FSTL5: variants seen among roughly 807,000 people sequenced by gnomAD.
FSTL5 encodes the protein follistatin-related protein 5.
A neutral mutation model predicts 89.1 loss-of-function variants in FSTL5; 62 were observed. The observed-to-expected ratio is 0.70, with a 90% CI of 0.57 to 0.86. The LOEUF (loss-of-function observed/expected upper bound fraction) is 0.86, where lower values mean the gene tolerates loss of function less well. Ranked by LOEUF, FSTL5 falls within the 40% of genes least tolerant of loss-of-function variation. The pLI, the probability that FSTL5 is intolerant of heterozygous loss-of-function variation, is 0.00. For synonymous variants in FSTL5, 383 were observed against 346.2 expected (o/e 1.11, Z -1.18); for missense variants, 1,057 against 1,001.6 (o/e 1.06, Z -0.75).
At chr4:161,535,078 G>T (rs1287000871) in intron 10 of FSTL5, among the ~76,000 whole-genome samples, 1 of 152,066 alleles carries the variant, frequency 6.6e-6, no homozygotes, top group Non-Finnish European at 1.5e-5. Flanking sequence ...AACTCAAGAT[G>T]GGTTAAAGAT....
At chr4:162,118,406 C>A (rs139142380) in intron 1 of FSTL5, among the ~76,000 whole-genome samples, 1 of 151,976 alleles carries the variant, frequency 6.6e-6, no homozygotes, top group Admixed American at 6.6e-5. Context: ...GACTACAGGG[C>A]CCCGCCACCA....
chr4:161,774,990 A>C (rs900179266), intron 5 of FSTL5, among the ~76,000 whole-genome samples: 1 of 152,192 alleles, frequency 6.6e-6, no homozygotes, highest in Non-Finnish European at 1.5e-5. Context: ...GATGATAACT[A>C]TAATCAATTT....
rs575776946 is a variant in FSTL5, at chr4:161,971,336, A to C, written c.161-50684T>G. Among the ~76,000 whole-genome samples, 293 of 152,274 alleles carry C rather than the reference A, an allele frequency of 1.9e-3. 1 individual carries two copies. The highest frequency in any genetic ancestry group is 6.7e-3 in the African/African-American group (278 of 41,576). On this transcript the variant is annotated intron_variant, in intron 3 of 15. Coordinates refer to ENST00000306100, the MANE Select transcript of FSTL5 (RefSeq NM_020116.5). ...ATGGTTCTACTTTAAAATATCAGAA[A>C]TTTATGTTACAAATCCCATAGTAAA...
intron 12 of FSTL5, among the ~76,000 whole-genome samples, chr4:161,482,344 G>T (rs1385052687): frequency 2.0e-5 from 3 of 151,986 alleles, no homozygotes; most frequent in Non-Finnish European, 4.4e-5. Flanking sequence ...CAGTAAAAAT[G>T]TTATTTACAT....
At chr4:161,558,852 A>T (rs940978385) in intron 8 of FSTL5, among the ~76,000 whole-genome samples, 6 of 151,790 alleles carry the variant, frequency 4.0e-5, no homozygotes, top group Non-Finnish European at 8.8e-5. Flanking sequence ...TAACTCTCCC[A>T]ACCAACCCCA....
chr4:161,721,462 C>A (rs1318721908), intron 6 of FSTL5, among the ~76,000 whole-genome samples: 1 of 151,960 alleles, frequency 6.6e-6, no homozygotes, highest in African/African-American at 2.4e-5. Flanking sequence ...GAGGGTTACA[C>A]ACGTATATAC....
At chr4:161,390,316 A>G (rs1298818325) in intron 15 of FSTL5, among the ~76,000 whole-genome samples, 1 of 152,176 alleles carries the variant, frequency 6.6e-6, no homozygotes, top group Non-Finnish European at 1.5e-5. Flanking sequence ...TGGATATCAA[A>G]GGATATGGAG....
At chr4:161,782,025 T>G (rs932875435) in intron 4 of FSTL5, among the ~76,000 whole-genome samples, 1 of 152,126 alleles carries the variant, frequency 6.6e-6, no homozygotes, top group Non-Finnish European at 1.5e-5. Flanking sequence ...CTTCTTTCAC[T>G]TAGTAATATG....
chr4:161,399,169 TTTG>T (rs1731099003), intron 15 of FSTL5, among the ~76,000 whole-genome samples: 1 of 152,072 alleles, frequency 6.6e-6, no homozygotes, highest in Admixed American at 6.6e-5. Flanking sequence ...TTAAACTTGT[TTTG>T]TTATGTTTTA....
intron 4 of FSTL5, among the ~76,000 whole-genome samples, chr4:161,787,625 G>A (rs186905709): frequency 3.3e-5 from 5 of 152,114 alleles, no homozygotes; most frequent in East Asian, 1.9e-4. Flanking sequence ...AAAAAGAGAC[G>A]TTGCTCTTCT....
chr4:161,599,674 T>C (rs1734155653), intron 7 of FSTL5, among the ~76,000 whole-genome samples: 1 of 151,720 alleles, frequency 6.6e-6, no homozygotes, highest in Non-Finnish European at 1.5e-5. Flanking sequence ...AGCTCCTCAG[T>C]TGGACAAGCC....
At chr4:161,929,689 G>GTGTATA (rs1006242096) in intron 3 of FSTL5, among the ~76,000 whole-genome samples, 1 of 121,528 alleles carries the variant, frequency 8.2e-6, no homozygotes, top group African/African-American at 2.7e-5. Flanking sequence ...GTGTGTGTGT[G>GTGTATA]TGTGTGTGTG....
intron 3 of FSTL5, among the ~76,000 whole-genome samples, chr4:161,981,610 CATA>C (rs1400569079): frequency 6.6e-6 from 1 of 152,040 alleles, no homozygotes; most frequent in East Asian, 1.9e-4. Flanking sequence ...CTTGTGTTTC[CATA>C]ATGACATATG....
At chr4:161,390,978 C>A (rs1353354394) in intron 15 of FSTL5, among the ~76,000 whole-genome samples, 2 of 152,112 alleles carry the variant, frequency 1.3e-5, no homozygotes, top group Admixed American at 6.6e-5. Context: ...TCATCTACAC[C>A]ACCTCAGATT....
intron 6 of FSTL5, among the ~76,000 whole-genome samples, chr4:161,711,862 A>G (rs1408076639): frequency 2.0e-5 from 3 of 152,164 alleles, no homozygotes; most frequent in Non-Finnish European, 4.4e-5. Context: ...ATATCAATAG[A>G]ACGAAAAATA....
chr4:161,931,957 T>C (rs1285580682), intron 3 of FSTL5, among the ~76,000 whole-genome samples: 1 of 151,960 alleles, frequency 6.6e-6, no homozygotes, highest in Non-Finnish European at 1.5e-5. Context: ...TGCCAAGTTA[T>C]AATGTTATTT....
intron 11 of FSTL5, among the ~76,000 whole-genome samples, chr4:161,505,166 C>G (rs1245939179): frequency 6.6e-6 from 1 of 152,104 alleles, no homozygotes; most frequent in African/African-American, 2.4e-5. Context: ...AATCTCCCAT[C>G]TTTAGATAAA....
intron 1 of FSTL5, among the ~76,000 whole-genome samples, chr4:162,139,135 A>C (rs939536551): frequency 6.6e-6 from 1 of 152,004 alleles, no homozygotes; most frequent in African/African-American, 2.4e-5. Flanking sequence ...TTATTACATG[A>C]ATATAATGTG....
chr4:162,135,296 A>T (rs1732480425), intron 1 of FSTL5, among the ~76,000 whole-genome samples: 1 of 151,938 alleles, frequency 6.6e-6, no homozygotes, highest in African/African-American at 2.4e-5. Context: ...TATTTCAATA[A>T]GGTAGTTTTT....
Sources: allele counts gnomAD v4.1 joint callset (sites outside exome capture counted in the v4.1 genomes callset), GRCh38; gene constraint gnomAD v4.1.1; transcripts MANE v1.5; gene names NCBI Gene and HGNC (gene_info 2026-07-23, HGNC 2026-07-21).